ANO10: variants seen among roughly 807,000 people sequenced by gnomAD.
ANO10 encodes the protein anoctamin 10, also known as anoctamin-10.
A neutral mutation model predicts 74.7 loss-of-function variants in ANO10; 77 were observed. The ratio of observed to expected loss-of-function variants is 1.03; its 90% CI spans 0.86 to 1.25. The LOEUF is 1.25. Ranked by LOEUF, ANO10 falls within the 50% of genes most tolerant of loss-of-function variation. The pLI, the probability that ANO10 is intolerant of heterozygous loss-of-function variation, is 0.00. For missense variants in ANO10, 721 were observed against 778.1 expected (o/e 0.93, Z 0.87); for synonymous variants, 279 against 284.9 (o/e 0.98, Z 0.21).
At chr3:43,435,464 G>A (rs536229877) in intron 11 of ANO10, among the ~76,000 whole-genome samples, 5 of 148,756 alleles carry the variant, frequency 3.4e-5, no homozygotes, top group African/African-American at 5.0e-5. Flanking sequence ...AGCTGAGATC[G>A]TGCCACTGCA....
chr3:43,579,393 A>G (rs1446442054), intron 5 of ANO10, among the ~76,000 whole-genome samples: 1 of 152,192 alleles, frequency 6.6e-6, no homozygotes, highest in Non-Finnish European at 1.5e-5. Context: ...AATACAAAAT[A>G]GTCATTTATA....
intron 11 of ANO10, among the ~76,000 whole-genome samples, chr3:43,508,943 T>TAAAAAAAAA (rs35265220): frequency 1.9e-5 from 2 of 104,730 alleles, no homozygotes; most frequent in Non-Finnish European, 2.0e-5. Flanking sequence ...TAAAGTATAA[T>TAAAAAAAAA]AAAAAAAAAA....
chr3:43,484,867 C>T (rs1170465145), intron 11 of ANO10: 1 of 580,510 alleles, frequency 1.7e-6, no homozygotes, highest in East Asian at 3.0e-5. Context: ...TGTTCTCCGC[C>T]AACAGGCATG....
intron 12 of ANO10, among the ~76,000 whole-genome samples, chr3:43,420,188 G>A (rs1198752886): frequency 6.6e-6 from 1 of 152,256 alleles, no homozygotes; most frequent in African/African-American, 2.4e-5. Context: ...GCTCACGCCA[G>A]TAATCCCAAC....
At chr3:43,677,211 TC>T (rs2084134724) in intron 1 of ANO10, among the ~76,000 whole-genome samples, 1 of 152,182 alleles carries the variant, frequency 6.6e-6, no homozygotes, top group Non-Finnish European at 1.5e-5. Context: ...GTGGAAGCCA[TC>T]TTCCTAAGGG....
chr3:43,597,254 A>G (rs1356666186), intron 4 of ANO10, among the ~76,000 whole-genome samples: 1 of 152,208 alleles, frequency 6.6e-6, no homozygotes, highest in East Asian at 1.9e-4. Flanking sequence ...CAGCCATCCC[A>G]TTACTAGGTA....
intron 12 of ANO10, 31 bp downstream of exon 12, chr3:43,432,580 A>C (rs773791413): frequency 1.5e-5 from 23 of 1,484,222 alleles, no homozygotes; most frequent in Non-Finnish European, 2.2e-5. Flanking sequence ...TGCTAAAGCA[A>C]TACATACATT....
intron 12 of ANO10, among the ~76,000 whole-genome samples, chr3:43,377,643 G>C (rs1176530158): frequency 1.3e-5 from 2 of 152,200 alleles, no homozygotes; most frequent in African/African-American, 4.8e-5. Context: ...TTTGATCTGA[G>C]GTTCCATGTT....
intron 11 of ANO10, among the ~76,000 whole-genome samples, chr3:43,474,215 C>T (rs1250850342): frequency 2.7e-5 from 4 of 147,062 alleles, no homozygotes; most frequent in African/African-American, 1.0e-4. Context: ...TACTTCCCCG[C>T]CCCCCCCAAC....
At chr3:43,436,795 A>G (rs2093074539) in intron 11 of ANO10, among the ~76,000 whole-genome samples, 1 of 152,228 alleles carries the variant, frequency 6.6e-6, no homozygotes, top group African/African-American at 2.4e-5. Context: ...CAAAAACTAG[A>G]AAACTTATGA....
chr3:43,447,118 T>G (rs2093258294), intron 11 of ANO10, among the ~76,000 whole-genome samples: 1 of 152,240 alleles, frequency 6.6e-6, no homozygotes, highest in Non-Finnish European at 1.5e-5. Context: ...GATGGACATT[T>G]ACACTATTTC....
intron 11 of ANO10, among the ~76,000 whole-genome samples, chr3:43,470,600 AT>A (rs2075813696): frequency 1.1e-5 from 1 of 89,528 alleles, no homozygotes; most frequent in Non-Finnish European, 2.7e-5. Flanking sequence ...TAATTATTTT[AT>A]TTATTTATTT....
chr3:43,467,724 T>A (rs2075685636), intron 11 of ANO10, among the ~76,000 whole-genome samples: 1 of 152,220 alleles, frequency 6.6e-6, no homozygotes, highest in South Asian at 2.1e-4. Flanking sequence ...AAATGGGTCC[T>A]CTTTATTGTA....
intron 1 of ANO10, among the ~76,000 whole-genome samples, chr3:43,643,678 C>CTTTTTTTTTTTTTT (rs1310556861): frequency 1.5e-5 from 2 of 133,620 alleles, no homozygotes; most frequent in African/African-American, 6.2e-5. Context: ...TTGTCCTCAT[C>CTTTTTTTTTTTTTT]TTTTCTTTTT....
chr3:43,667,433 A>G (rs536016464), intron 1 of ANO10, among the ~76,000 whole-genome samples: 1 of 152,136 alleles, frequency 6.6e-6, no homozygotes, highest in South Asian at 2.1e-4. Context: ...TTGTTTTTTA[A>G]AATTTTTTGA....
At chr3:43,551,457 G>T (rs1358116574) in intron 10 of ANO10, 1 of 456,144 alleles carries the variant, frequency 2.2e-6, no homozygotes, top group Non-Finnish European at 4.4e-6. Flanking sequence ...ATTACCTTTT[G>T]ATAGGTGTAT....
intron 12 of ANO10, among the ~76,000 whole-genome samples, chr3:43,398,539 A>G (rs1346890513): frequency 6.6e-6 from 1 of 152,162 alleles, no homozygotes; most frequent in Non-Finnish European, 1.5e-5. Flanking sequence ...GAAGAGTTTG[A>G]TATTTATTCT....
chr3:43,384,684 C>A (rs1395163021), intron 12 of ANO10, among the ~76,000 whole-genome samples: 2 of 152,184 alleles, frequency 1.3e-5, no homozygotes, highest in Non-Finnish European at 2.9e-5. Flanking sequence ...ACACCTTATT[C>A]AACAAATGGT....
intron 1 of ANO10, among the ~76,000 whole-genome samples, chr3:43,608,417 A>G (rs1394496469): frequency 1.3e-5 from 2 of 152,232 alleles, no homozygotes; most frequent in Middle Eastern, 3.4e-3. Flanking sequence ...AGCATGTGCC[A>G]CCATTCCCAG....
Sources: allele counts gnomAD v4.1 joint callset (sites outside exome capture counted in the v4.1 genomes callset), GRCh38; gene constraint gnomAD v4.1.1; transcripts MANE v1.5; gene names NCBI Gene and HGNC (gene_info 2026-07-23, HGNC 2026-07-21).